The following AGT variants were observed in gnomAD, a reference collection of about 807,000 sequenced individuals.
AGT encodes angiotensinogen.
Under a neutral mutation model 28.1 loss-of-function variants are expected in AGT, and 26 were observed. That is an observed-to-expected ratio of 0.92 (90% CI 0.68 to 1.28). The LOEUF (loss-of-function observed/expected upper bound fraction) is 1.28, where lower values mean the gene tolerates loss of function less well. AGT is among the 50% of genes most tolerant of loss of function. The probability of loss-of-function intolerance (pLI) is 0.00; values close to 1 mark genes in which losing one functional copy is unlikely to be tolerated. For missense variants in AGT, 596 were observed against 592.3 expected, an observed-to-expected ratio of 1.01 and a Z score of -0.06; for synonymous variants, 259 against 259.6, an observed-to-expected ratio of 1.00 and a Z score of 0.02.
At chr1:230,730,376 G>T (rs1664031516) in intron 1 of AGT, among the ~76,000 whole-genome samples, 2 of 152,030 alleles carry the variant, frequency 1.3e-5, no homozygotes, top group South Asian at 4.2e-4. Context: ...ACCCAGCCAG[G>T]ATACCCTATA....
intron 3 of AGT, 102 bp downstream of exon 3, chr1:230,705,831 G>T: frequency 1.3e-6 from 2 of 1,494,338 alleles, no homozygotes; most frequent in Non-Finnish European, 1.9e-6. Context: ...GCCCTGCTCT[G>T]CACCCAAGGC....
chr1:230,707,058 CGTT>C (rs539630444), intron 2 of AGT, among the ~76,000 whole-genome samples: 13 of 152,236 alleles, frequency 8.5e-5, no homozygotes, highest in Non-Finnish European at 1.9e-4. Flanking sequence ...CACACAACCT[CGTT>C]GTGATGAATG....
chr1:230,720,474 G>T (rs541221218), intron 1 of AGT, among the ~76,000 whole-genome samples: 2 of 151,604 alleles, frequency 1.3e-5, no homozygotes, highest in South Asian at 4.2e-4. Flanking sequence ...CCTACTAAGG[G>T]CAGGAGGAGG....
intron 1 of AGT, among the ~76,000 whole-genome samples, chr1:230,742,608 C>G (rs1558297387): frequency 6.6e-6 from 1 of 152,206 alleles, no homozygotes; most frequent in African/African-American, 2.4e-5. Context: ...AGCCACTGCA[C>G]CCGGCCACTT....
upstream of AGT, among the ~76,000 whole-genome samples, chr1:230,717,800 G>C (rs926455068): frequency 6.6e-6 from 1 of 152,092 alleles, no homozygotes; most frequent in African/African-American, 2.4e-5. Context: ...TGGAGCTCTC[G>C]ATTTGTAAAA....
At position 230,706,055 on chromosome 1, in the gene AGT, C is replaced by T; in HGVS notation, c.975G>A (p.Val325=). Residue 325 remains valine, a synonymous_variant, in exon 3 of 5, where the codon GTG becomes GTA. Coordinates refer to ENST00000366667, the MANE Select transcript of AGT (RefSeq NM_001384479.1). The part of the protein sequence containing the change: ...DIQDNFSVTQ[V]PFTESACLLL... ...GCAGGCAGGCGCTCTCAGTGAAGGGCACTTGAGTCACCGAGAAGTTGTCCT... is the reference window on the plus strand; with the variant it reads ...GCAGGCAGGCGCTCTCAGTGAAGGGTACTTGAGTCACCGAGAAGTTGTCCT... 6.2e-7 allele frequency: 1 copy of T among 1,614,156 alleles called. No homozygotes were observed. The highest frequency in any genetic ancestry group is 8.5e-7 in the Non-Finnish European group (1 of 1,180,026).
At chr1:230,736,166 T>C in intron 1 of AGT, among the ~76,000 whole-genome samples, 1 of 95,688 alleles carries the variant, frequency 1.0e-5, no homozygotes, top group East Asian at 3.1e-4. Flanking sequence ...AGGCAAAGTT[T>C]GTGTGTGTGT....
intron 1 of AGT, among the ~76,000 whole-genome samples, chr1:230,711,450 T>C (rs999384432): frequency 6.6e-6 from 1 of 152,176 alleles, no homozygotes; most frequent in Non-Finnish European, 1.5e-5. Flanking sequence ...GTGGTACTTA[T>C]GGCAGCCCAA....
At chr1:230,738,020 C>T (rs1664185158) in intron 1 of AGT, among the ~76,000 whole-genome samples, 1 of 152,198 alleles carries the variant, frequency 6.6e-6, no homozygotes, top group South Asian at 2.1e-4. Flanking sequence ...CAAGGTGTAG[C>T]ATTAGTACTT....
In AGT at chr1:230,728,518, T is replaced by C. The variant is rs533452235; in HGVS notation, c.-31+16997A>G. Among the ~76,000 whole-genome samples, 5 of 152,338 alleles carry C rather than the reference T, an allele frequency of 3.3e-5. No individual in the cohort carries two copies. In the East Asian group the frequency reaches 9.6e-4, roughly 29 times the overall value. On this transcript the variant is annotated intron_variant, in intron 1 of 4. Transcript: ENST00000681269. ...GATGGTTAGGTCAGATCTCCTCCGC[T>C]GTCATAATTTGCTCACCGTTATAAT...
At chr1:230,728,290 T>C (rs1446910161) in intron 1 of AGT, among the ~76,000 whole-genome samples, 3 of 152,234 alleles carry the variant, frequency 2.0e-5, no homozygotes. Flanking sequence ...GGCTGGTGAT[T>C]GCTTAACTAT....
rs369425934 is a variant in AGT, at chr1:230,710,472, C to G, written c.352G>C (p.Val118Leu). Reference protein sequence around the residue: ...IYGMHSELWGVVHGATVLSPT... With the variant: ...IYGMHSELWGLVHGATVLSPT... ...GAGAGGACGGTGGCCCCATGGACCA[C>G]GCCCCATAGCTCACTGTGCATGCCA... Residue 118 changes from valine (V) to leucine (L), a missense_variant, in exon 2 of 5, where the codon GTG (valine) becomes CTG (leucine). Transcript: ENST00000366667. The G allele has an allele frequency of 6.2e-7, 1 of 1,614,214 alleles. No homozygotes were observed. The highest frequency in any genetic ancestry group is 8.5e-7 in the Non-Finnish European group (1 of 1,180,042).
intron 2 of AGT, among the ~76,000 whole-genome samples, chr1:230,706,427 C>T (rs141166063): frequency 2.6e-4 from 39 of 152,246 alleles, no homozygotes; most frequent in African/African-American, 7.9e-4. Flanking sequence ...CAGCCCTAAC[C>T]GCCACCTGCA....
intron 1 of AGT, among the ~76,000 whole-genome samples, chr1:230,723,287 C>A (rs1663881273): frequency 6.6e-6 from 1 of 152,186 alleles, no homozygotes; most frequent in Admixed American, 6.5e-5. Flanking sequence ...TTATAAATTA[C>A]CAAGTCTCAG....
At chr1:230,738,435 C>A (rs530551727) in intron 1 of AGT, among the ~76,000 whole-genome samples, 1 of 152,318 alleles carries the variant, frequency 6.6e-6, no homozygotes, top group East Asian at 1.9e-4. Context: ...AAGTGCTTAT[C>A]ATGTTACTTT....
chr1:230,737,462 C>T (rs1021974268), intron 1 of AGT, among the ~76,000 whole-genome samples: 1 of 152,176 alleles, frequency 6.6e-6, no homozygotes, highest in African/African-American at 2.4e-5. Context: ...CAGGTGCCCA[C>T]CACCACACCT....
intron 1 of AGT, among the ~76,000 whole-genome samples, chr1:230,744,480 G>A (rs952503701): frequency 1.3e-5 from 2 of 152,172 alleles, no homozygotes; most frequent in African/African-American, 4.8e-5. Flanking sequence ...AGAATGATGA[G>A]GCTGTAAATC....
At chr1:230,710,894 C>T (rs1213642962) in intron 1 of AGT, 41 bp from the exon 2 acceptor site, 1 of 1,601,434 alleles carries the variant, frequency 6.2e-7, no homozygotes, top group African/African-American at 1.3e-5. Flanking sequence ...TGGTTATTAA[C>T]TGACCTTTAA....
intron 1 of AGT, among the ~76,000 whole-genome samples, chr1:230,725,048 A>G (rs1208956040): frequency 6.6e-6 from 1 of 152,244 alleles, no homozygotes; most frequent in Non-Finnish European, 1.5e-5. Context: ...TAAATGGAAA[A>G]GAATCTATCC....
Sources: gnomAD v4.1 joint callset for allele counts (sites outside exome capture counted in the v4.1 genomes callset) on GRCh38, gnomAD v4.1.1 for gene constraint, MANE v1.5 for transcripts, NCBI Gene and HGNC (gene_info 2026-07-23, HGNC 2026-07-21) for gene names.